The following DSCAML1 variants were observed in gnomAD, a reference collection of about 807,000 sequenced individuals.
The protein encoded by DSCAML1 is cell adhesion molecule DSCAML1.
Under a neutral mutation model 200.5 loss-of-function variants are expected in DSCAML1, and 38 were observed. The ratio of observed to expected loss-of-function variants is 0.19; its 90% CI spans 0.15 to 0.25. DSCAML1 has a LOEUF of 0.25. Among genes scored for constraint, DSCAML1 ranks in the 10% least tolerant of loss-of-function variants. The pLI is 1.00. For missense variants in DSCAML1, 2,223 were observed against 2,858.8 expected (o/e 0.78, Z 5.07); for synonymous variants, 1,215 against 1,165.0 (o/e 1.04, Z -0.87).
In DSCAML1 at chr11:117,776,795, G is replaced by C. The variant is rs778384954; in HGVS notation, c.507C>G (p.Ile169Met). The C allele has an allele frequency of 3.7e-6, 6 of 1,614,042 alleles. No individual in the cohort carries two copies. The African/African-American group carries it at 8.0e-5, about 22-fold the overall frequency. ...CAGCCCCGGGACGCTTCTTACCTGG[G>C]ATGATGGAGACTGTGTCTTTCTCCC... is the stretch of plus-strand genomic sequence containing the variant. ...VSWEKDTVSI[I>M]PEHRFFITYH... is the part of the protein sequence containing the mutation. The change falls in exon 3 of 33, where the codon ATC becomes ATG. Residue 169 changes from isoleucine to methionine, a missense_variant. Coordinates refer to ENST00000651296, the MANE Select transcript of DSCAML1 (RefSeq NM_020693.4).
chr11:117,746,101 A>T (rs570228554), intron 3 of DSCAML1, among the ~76,000 whole-genome samples: 17 of 151,180 alleles, frequency 1.1e-4, no homozygotes, highest in African/African-American at 3.9e-4. Flanking sequence ...GGGAGCCTGT[A>T]GTCCCAGTTA....
At chr11:117,691,014 G>A (rs572442136) in intron 3 of DSCAML1, among the ~76,000 whole-genome samples, 13 of 152,142 alleles carry the variant, frequency 8.5e-5, no homozygotes, top group African/African-American at 1.9e-4. Flanking sequence ...TTGGCCCTTC[G>A]AGATTACAAA....
intron 3 of DSCAML1, among the ~76,000 whole-genome samples, chr11:117,757,003 C>T (rs576154136): frequency 1.3e-5 from 2 of 152,218 alleles, no homozygotes; most frequent in African/African-American, 4.8e-5. Flanking sequence ...GCACTGTCCT[C>T]AAGAAATGAA....
chr11:117,679,064 G>A (rs1039319371), intron 3 of DSCAML1, among the ~76,000 whole-genome samples: 5 of 152,244 alleles, frequency 3.3e-5, no homozygotes, highest in Non-Finnish European at 7.3e-5. Flanking sequence ...TCCGCTGAAT[G>A]GAAGGCCACT....
chr11:117,451,242 T>A (rs1358322554), intron 19 of DSCAML1, among the ~76,000 whole-genome samples: 3 of 152,148 alleles, frequency 2.0e-5, no homozygotes, highest in Admixed American at 6.5e-5. Context: ...TTCCAACTCT[T>A]ATGGACTCTG....
intron 32 of DSCAML1, among the ~76,000 whole-genome samples, chr11:117,429,847 G>T (rs2047748758): frequency 6.6e-6 from 1 of 152,202 alleles, no homozygotes; most frequent in South Asian, 2.1e-4. Context: ...CCCTAGGATT[G>T]GTTAATACCT....
intron 3 of DSCAML1, among the ~76,000 whole-genome samples, chr11:117,552,097 A>G (rs2050478073): frequency 6.6e-6 from 1 of 152,056 alleles, no homozygotes; most frequent in African/African-American, 2.4e-5. Flanking sequence ...GAGCTGCGGT[A>G]ACAGAGCCTG....
At chr11:117,506,284 C>T (rs1392301076) in intron 8 of DSCAML1, among the ~76,000 whole-genome samples, 5 of 152,188 alleles carry the variant, frequency 3.3e-5, no homozygotes, top group South Asian at 4.1e-4. Context: ...TCAGGACAGG[C>T]GAGTGGAAGC....
chr11:117,591,434 C>A (rs2051257782), intron 3 of DSCAML1, among the ~76,000 whole-genome samples: 1 of 152,202 alleles, frequency 6.6e-6, no homozygotes, highest in African/African-American at 2.4e-5. Context: ...TGCTAGGAGA[C>A]ATCTGTTCAG....
At position 117,780,185 on chromosome 11, in the gene DSCAML1, A is replaced by G. The variant is rs1591502639; in HGVS notation, c.364+308T>C. Among the ~76,000 whole-genome samples, 3 of 99,142 alleles carry G rather than the reference A, an allele frequency of 3.0e-5. No individual in the cohort carries two copies. In the East Asian group the frequency reaches 8.2e-4, roughly 27 times the overall value. The allele number at this position is 99,142 out of a possible 152,430, so 65.0% of individuals were successfully genotyped here. A position where few individuals can be genotyped will look rare whatever the true frequency, so the allele number is the denominator to read the frequency against. On this transcript the variant is annotated intron_variant, in intron 2 of 32. Coordinates refer to ENST00000651296, the MANE Select transcript of DSCAML1 (RefSeq NM_020693.4). The surrounding 1 kb of genome is among the most constrained non-coding windows in gnomAD (Gnocchi z 4.8). ...AAAGAAAGAAAGAAAAAAAGAAAAA[A>G]AGAAAGAAAGAAAGAGAAAGAAAGA...
At chr11:117,461,658 C>A in intron 17 of DSCAML1, 62 bp from the exon 18 acceptor site, 1 of 1,533,192 alleles carries the variant, frequency 6.5e-7, no homozygotes, top group Non-Finnish European at 8.9e-7. Flanking sequence ...GACAGTACAG[C>A]AATTGTGTCC....
At chr11:117,525,233 A>C in intron 4 of DSCAML1, 150 bp from the exon 5 acceptor site, 2 of 977,472 alleles carry the variant, frequency 2.0e-6, no homozygotes, top group Non-Finnish European at 1.5e-6. Flanking sequence ...GGAACATTTC[A>C]GGGAGGGTGC....
intron 4 of DSCAML1, among the ~76,000 whole-genome samples, chr11:117,527,801 G>T (rs766917766): frequency 3.9e-5 from 6 of 152,148 alleles, no homozygotes; most frequent in Non-Finnish European, 8.8e-5. Flanking sequence ...GTTGGGGTGA[G>T]AATTCTCCTC....
chr11:117,525,222 A>G lies in DSCAML1; in HGVS notation c.659-139T>C, dbSNP rs184787993. On this transcript the variant is annotated intron_variant, in intron 4 of 32. Coordinates refer to ENST00000651296, the MANE Select transcript of DSCAML1 (RefSeq NM_020693.4). ...CGAGCAGTTTCCAGGGCGGCTCCAGAGGAACATTTCAGGGAGGGTGCACTG... is the reference window on the plus strand; with the variant it reads ...CGAGCAGTTTCCAGGGCGGCTCCAGGGGAACATTTCAGGGAGGGTGCACTG... The G allele has an allele frequency of 5.5e-6, 6 of 1,081,278 alleles. No homozygotes were observed. The African/African-American group carries it at 9.6e-5, about 17-fold the overall frequency. 67.0% of individuals were successfully genotyped at this position (1,081,278 alleles called of 1,614,324 possible).
intron 3 of DSCAML1, chr11:117,612,017 G>GACACAC (rs146336207): frequency 6.6e-6 from 1 of 150,546 alleles, no homozygotes; most frequent in South Asian, 2.1e-4. Flanking sequence ...CACACACAGA[G>GACACAC]ACACACACAC....
At chr11:117,805,418 A>C (rs1329897012) in intron 1 of DSCAML1, among the ~76,000 whole-genome samples, 1 of 152,270 alleles carries the variant, frequency 6.6e-6, no homozygotes, top group Non-Finnish European at 1.5e-5. Flanking sequence ...AAAAAGATCT[A>C]ACATAGCATT....
At chr11:117,567,185 G>A (rs190890775) in intron 3 of DSCAML1, among the ~76,000 whole-genome samples, 2,170 of 152,232 alleles carry the variant, frequency 0.014, 47 homozygotes, top group African/African-American at 0.048. Flanking sequence ...ACTAGTTTAC[G>A]GTCCCACTAA....
chr11:117,661,488 A>G (rs1774393601), intron 3 of DSCAML1, among the ~76,000 whole-genome samples: 1 of 152,214 alleles, frequency 6.6e-6, no homozygotes, highest in Admixed American at 6.5e-5. Context: ...CATTACAAAC[A>G]TCAAGTTACA....
rs1039059143 is a variant in DSCAML1, at chr11:117,521,011, C to T, written c.1213+119G>A. On this transcript the variant is annotated intron_variant, in intron 6 of 32. Transcript: ENST00000651296. ...CCCTTAGGGTGAGATGGTGCACCGG[C>T]CTGGTGTGTAGTGAGCGCTGGTTTA... The T allele has an allele frequency of 3.0e-6, 4 of 1,347,028 alleles. No homozygotes were observed. The African/African-American group carries it at 5.8e-5, about 19-fold the overall frequency. 83.4% of individuals were successfully genotyped at this position (1,347,028 alleles called of 1,614,324 possible). A position where few individuals can be genotyped will look rare whatever the true frequency, so the allele number is the denominator to read the frequency against.
Sources: allele counts gnomAD v4.1 joint callset (sites outside exome capture counted in the v4.1 genomes callset), GRCh38; gene constraint gnomAD v4.1.1; non-coding constraint Gnocchi (gnomAD v3.1); transcripts MANE v1.5; gene names NCBI Gene and HGNC (gene_info 2026-07-23, HGNC 2026-07-21).